PDGFRL: variants seen among roughly 807,000 people sequenced by gnomAD.
The protein encoded by PDGFRL is platelet derived growth factor receptor like.
Under a neutral mutation model 37.2 loss-of-function variants are expected in PDGFRL, and 46 were observed. That is an observed-to-expected ratio of 1.24 (90% CI 0.98 to 1.58). The LOEUF (loss-of-function observed/expected upper bound fraction) is 1.58. Ranked by LOEUF, PDGFRL falls within the 40% of genes most tolerant of loss-of-function variation. The pLI is 0.00. For synonymous variants in PDGFRL, 251 were observed against 184.3 expected (o/e 1.36, Z -2.93); for missense variants, 692 against 467.6 (o/e 1.48, Z -4.43).
At chr8:17,590,816 T>C (rs115383428) in intron 2 of PDGFRL, among the ~76,000 whole-genome samples, 2,341 of 152,220 alleles carry the variant, frequency 0.015, 55 homozygotes, top group African/African-American at 0.054. Flanking sequence ...ACAGGAGATT[T>C]CTGTGAGCAA....
intron 4 of PDGFRL, 53 bp downstream of exon 4, chr8:17,628,833 G>A: frequency 4.8e-6 from 6 of 1,262,578 alleles, no homozygotes; most frequent in Non-Finnish European, 6.9e-6. Context: ...GTCAGTTTCA[G>A]GTACTGCTGT....
chr8:17,603,569 C>A (rs907690458), intron 2 of PDGFRL, among the ~76,000 whole-genome samples: 2 of 152,174 alleles, frequency 1.3e-5, no homozygotes, highest in African/African-American at 2.4e-5. Context: ...TTTCTGACAA[C>A]AGTAGTTATC....
intron 2 of PDGFRL, among the ~76,000 whole-genome samples, chr8:17,604,282 A>G (rs1804226567): frequency 6.6e-6 from 1 of 152,212 alleles, no homozygotes; most frequent in Admixed American, 6.5e-5. Context: ...AGACACATGC[A>G]CACGTATGTT....
intron 4 of PDGFRL, among the ~76,000 whole-genome samples, chr8:17,629,380 T>TCAG (rs56937683): frequency 0.2 from 29,661 of 151,846 alleles, 3,632 homozygotes; most frequent in African/African-American, 0.35. Context: ...CTGTGTTGGA[T>TCAG]CAGGTCTTCT....
At chr8:17,634,753 G>C (rs998622124) in intron 5 of PDGFRL, among the ~76,000 whole-genome samples, 1 of 152,138 alleles carries the variant, frequency 6.6e-6, no homozygotes, top group Non-Finnish European at 1.5e-5. Flanking sequence ...TCACTTTTAA[G>C]TGGGAGCTAA....
intron 2 of PDGFRL, among the ~76,000 whole-genome samples, chr8:17,605,285 C>T (rs1309419596): frequency 6.6e-6 from 1 of 152,148 alleles, no homozygotes; most frequent in East Asian, 1.9e-4. Flanking sequence ...TCCATCCTTC[C>T]TCCCCATGCC....
At chr8:17,590,029 A>C (rs1004593928) in intron 2 of PDGFRL, among the ~76,000 whole-genome samples, 5 of 150,756 alleles carry the variant, frequency 3.3e-5, no homozygotes, top group African/African-American at 1.2e-4. Context: ...CAGGAGATCG[A>C]GGCTATCCTG....
intron 1 of PDGFRL, among the ~76,000 whole-genome samples, chr8:17,584,979 A>T (rs955465111): frequency 2.7e-5 from 4 of 150,928 alleles, no homozygotes; most frequent in Non-Finnish European, 5.9e-5. Context: ...GGGGTGGATT[A>T]TTCATGAGTT....
Position 17,620,940 on chromosome 8 carries a change from C to T in PDGFRL, c.354-111C>T, listed in dbSNP as rs115843838. On this transcript the variant is annotated intron_variant, in intron 2 of 5. Coordinates refer to ENST00000251630, the MANE Select transcript of PDGFRL (RefSeq NM_001372073.1). ...ACATTCTTATATTACTCTATGACAT[C>T]GGAGAAAGATTGGGGCAAGTCTGCC... 4,100 of 552,464 alleles carry T rather than the reference C, an allele frequency of 7.4e-3. 21 individuals carry two copies. The highest frequency in any genetic ancestry group is 0.025 in the Middle Eastern group (49 of 1,980). 34.2% of individuals were successfully genotyped at this position (552,464 alleles called of 1,614,324 possible).
upstream of PDGFRL, chr8:17,576,672 C>A: frequency 1.0e-5 from 10 of 978,362 alleles, no homozygotes; most frequent in Non-Finnish European, 9.7e-6. Flanking sequence ...CGTCCTCCCA[C>A]CCCCACCAGC....
In PDGFRL at chr8:17,614,246, T is replaced by C. The variant is rs555314121; in HGVS notation, c.354-6805T>C. 1.5e-4 allele frequency among the ~76,000 whole-genome samples: 23 copies of C among 152,360 alleles called. 1 individual carries two copies. In the South Asian group the frequency reaches 4.6e-3, roughly 30 times the overall value. On this transcript the variant is annotated intron_variant, in intron 2 of 5. Transcript: ENST00000251630. ...TGAAGTCCTTTAGTTTGCATATTTG[T>C]TTCCCTGAGATCATCATGCATATTT...
chr8:17,589,143 C>A (rs1181537042), intron 1 of PDGFRL, among the ~76,000 whole-genome samples: 1 of 152,054 alleles, frequency 6.6e-6, no homozygotes, highest in Admixed American at 6.6e-5. Context: ...TTTGGGAGGC[C>A]AAGGCAGGTG....
In PDGFRL at chr8:17,577,233, C is replaced by G. The variant is rs1433642195; in HGVS notation, c.-20C>G. 5 of 1,610,288 alleles carry G rather than the reference C, an allele frequency of 3.1e-6. No individual in the cohort carries two copies. Among genetic ancestry groups the G allele is most frequent in the Non-Finnish European group, 3.4e-6 (4 of 1,178,596 alleles). On this transcript the variant is annotated 5_prime_UTR_variant, in exon 1 of 6. Transcript: ENST00000251630. ...GCGCAGCCGCCGCGCTCCTGCGCTC[C>G]GAGGTCCGAGGTTCCCGAGATGAAG...
intron 4 of PDGFRL, among the ~76,000 whole-genome samples, chr8:17,630,507 A>C (rs1804840053): frequency 6.6e-6 from 1 of 152,122 alleles, no homozygotes; most frequent in South Asian, 2.1e-4. Flanking sequence ...CTGGTTTCTA[A>C]GACTGTTTGT....
chr8:17,632,275 G>A (rs1804877983), intron 4 of PDGFRL, among the ~76,000 whole-genome samples: 1 of 152,032 alleles, frequency 6.6e-6, no homozygotes, highest in South Asian at 2.1e-4. Context: ...CTAGACTTAT[G>A]TGAATACCTT....
At chr8:17,633,397 A>G (rs2237844) in intron 4 of PDGFRL, among the ~76,000 whole-genome samples, 13,965 of 152,146 alleles carry the variant, frequency 0.092, 851 homozygotes, top group East Asian at 0.18. Flanking sequence ...CACTGTTGGC[A>G]GGCGCCTGTA....
intron 2 of PDGFRL, among the ~76,000 whole-genome samples, chr8:17,616,084 T>G (rs958895527): frequency 1.3e-5 from 2 of 152,214 alleles, no homozygotes; most frequent in Non-Finnish European, 1.5e-5. Context: ...GAGCTGTAGC[T>G]AAGGACTCTG....
rs751775328 is a variant in PDGFRL, at chr8:17,638,786, T to TATATATATATAA, written c.940-3826_940-3825insTATATATATAAA. Among the ~76,000 whole-genome samples the TATATATATATAA allele has an allele frequency of 1.7e-3, 178 of 102,824 alleles. 15 individuals carry two copies. The highest frequency in any genetic ancestry group is 4.3e-3 in the East Asian group (13 of 3,016). 67.5% of individuals were successfully genotyped at this position (102,824 alleles called of 152,430 possible). ...ATATATATATATATATATATATATA[T>TATATATATATAA]AATTGTGATATTTTCCTGTTGGGCA... On this transcript the variant is annotated intron_variant, in intron 5 of 5. Coordinates refer to ENST00000251630, the MANE Select transcript of PDGFRL (RefSeq NM_001372073.1).
chr8:17,587,798 T>G (rs1803848359), intron 1 of PDGFRL, among the ~76,000 whole-genome samples: 1 of 151,966 alleles, frequency 6.6e-6, no homozygotes, highest in South Asian at 2.1e-4. Context: ...GCCTGGCTAA[T>G]TTTGTATTTT....
Sources: allele counts gnomAD v4.1 joint callset (sites outside exome capture counted in the v4.1 genomes callset), GRCh38; gene constraint gnomAD v4.1.1; transcripts MANE v1.5; gene names NCBI Gene and HGNC (gene_info 2026-07-23, HGNC 2026-07-21).